ACSS3: variants seen among roughly 807,000 people sequenced by gnomAD.
The protein encoded by ACSS3 is acyl-CoA synthetase short chain family member 3, also known as acyl-CoA synthetase short-chain family member 3, mitochondrial.
ACSS3 carries 64 observed loss-of-function variants against 84.2 expected under a neutral mutation model. The ratio of observed to expected loss-of-function variants is 0.76; its 90% CI spans 0.62 to 0.94. ACSS3 has a LOEUF of 0.94. Among genes scored for constraint, ACSS3 ranks in the 40% least tolerant of loss-of-function variants. ACSS3 has a pLI of 0.00. For synonymous variants in ACSS3, 317 were observed against 310.1 expected, an observed-to-expected ratio of 1.02 and a Z score of -0.23; for missense variants, 815 against 867.6, an observed-to-expected ratio of 0.94 and a Z score of 0.76.
chr12:81,225,536 A>G (rs558658388), intron 11 of ACSS3, among the ~76,000 whole-genome samples: 4 of 151,970 alleles, frequency 2.6e-5, no homozygotes, highest in African/African-American at 9.6e-5. Context: ...GGGGATAAAA[A>G]CTTCTCTTCC....
At chr12:81,101,064 C>T (rs1882472494) in intron 1 of ACSS3, among the ~76,000 whole-genome samples, 1 of 152,140 alleles carries the variant, frequency 6.6e-6, no homozygotes. Context: ...GACTTTTTAG[C>T]TGCTTGAGGT....
At chr12:81,186,353 A>G (rs1352228939) in intron 8 of ACSS3, among the ~76,000 whole-genome samples, 1 of 151,852 alleles carries the variant, frequency 6.6e-6, no homozygotes, top group Non-Finnish European at 1.5e-5. Context: ...GCAAAAATGA[A>G]TAAATGGAAT....
intron 1 of ACSS3, among the ~76,000 whole-genome samples, chr12:81,091,240 C>A (rs1446792088): frequency 6.6e-6 from 1 of 151,898 alleles, no homozygotes; most frequent in Non-Finnish European, 1.5e-5. Context: ...ATTATGTTAT[C>A]AGATTGTCAT....
intron 7 of ACSS3, among the ~76,000 whole-genome samples, chr12:81,172,191 G>A (rs1450732387): frequency 2.1e-5 from 3 of 143,072 alleles, no homozygotes; most frequent in South Asian, 4.5e-4. Flanking sequence ...CCTTGAATCC[G>A]GGAGGCAGAG....
chr12:81,197,243 A>G (rs2031880249), intron 8 of ACSS3, among the ~76,000 whole-genome samples: 1 of 152,170 alleles, frequency 6.6e-6, no homozygotes, highest in Non-Finnish European at 1.5e-5. Flanking sequence ...TGATTCATTT[A>G]TACTCAGAAA....
chr12:81,254,122 TTCTCACC>T (rs1328070758), intron 15 of ACSS3, among the ~76,000 whole-genome samples: 3 of 152,118 alleles, frequency 2.0e-5, no homozygotes, highest in Non-Finnish European at 2.9e-5. Context: ...AGAGGTAGTG[TTCTCACC>T]ATGTTGCCCA....
intron 8 of ACSS3, among the ~76,000 whole-genome samples, chr12:81,176,723 G>A (rs1792814206): frequency 6.6e-6 from 1 of 152,018 alleles, no homozygotes; most frequent in South Asian, 2.1e-4. Context: ...TGAATTCACA[G>A]ATGAATTCTA....
intron 8 of ACSS3, among the ~76,000 whole-genome samples, chr12:81,184,018 C>T (rs186597968): frequency 6.6e-6 from 1 of 151,840 alleles, no homozygotes; most frequent in Non-Finnish European, 1.5e-5. Context: ...AGAACATTCT[C>T]CAGGATAGAT....
intron 5 of ACSS3, among the ~76,000 whole-genome samples, chr12:81,148,250 A>G (rs1242578324): frequency 1.3e-5 from 2 of 152,050 alleles, no homozygotes; most frequent in Non-Finnish European, 2.9e-5. Context: ...TACAACACCT[A>G]TTGTTACAAT....
chr12:81,203,742 G>T (rs2032214653), intron 9 of ACSS3, among the ~76,000 whole-genome samples: 2 of 152,144 alleles, frequency 1.3e-5, no homozygotes, highest in Non-Finnish European at 2.9e-5. Flanking sequence ...GTCTTGTCAA[G>T]TTTAGAGAGG....
Position 81,241,599 on chromosome 12 carries a change from C to T in ACSS3, c.1719+8128C>T, listed in dbSNP as rs1397735503. On this transcript the variant is annotated intron_variant, in intron 13 of 15. Transcript: ENST00000548058. Reference sequence around the variant, plus strand: ...CTCTGATGGCCAGTGATGGTGAGCACTTTTTCATGTGTTTTTTGGCTGCAT... The same window carrying T: ...CTCTGATGGCCAGTGATGGTGAGCATTTTTTCATGTGTTTTTTGGCTGCAT... 6.6e-5 allele frequency among the ~76,000 whole-genome samples: 10 copies of T among 152,164 alleles called. No individual in the cohort carries two copies. The South Asian group carries it at 1.7e-3, about 25-fold the overall frequency.
intron 7 of ACSS3, among the ~76,000 whole-genome samples, chr12:81,168,506 A>G (rs1887506821): frequency 6.6e-6 from 1 of 152,186 alleles, no homozygotes; most frequent in Non-Finnish European, 1.5e-5. Context: ...AATCTTCTCA[A>G]GTAGTGATAC....
At chr12:81,216,127 A>C (rs1359158308) in intron 9 of ACSS3, among the ~76,000 whole-genome samples, 2 of 151,162 alleles carry the variant, frequency 1.3e-5, no homozygotes, top group Non-Finnish European at 2.9e-5. Context: ...TATATATTAT[A>C]TATTTTTTTA....
intron 8 of ACSS3, among the ~76,000 whole-genome samples, chr12:81,181,747 CAAAAA>C (rs59878486): frequency 1.8e-3 from 87 of 47,914 alleles, no homozygotes; most frequent in Middle Eastern, 0.043. Flanking sequence ...ATCAATTAAG[CAAAAA>C]AAAAAAAAAA....
chr12:81,165,568 C>T (rs1887362982), intron 7 of ACSS3, among the ~76,000 whole-genome samples: 1 of 152,010 alleles, frequency 6.6e-6, no homozygotes, highest in African/African-American at 2.4e-5. Context: ...ACGGTGTGAA[C>T]CTGGGAGGTG....
rs1053163603 is a variant in ACSS3 at position 81,257,354 on chromosome 12, G to A, written c.*2432G>A. 3.3e-5 allele frequency: 5 copies of A among 151,854 alleles called. No homozygotes were observed. The highest frequency in any genetic ancestry group is 3.3e-4 in the Admixed American group (5 of 15,238). 9.4% of individuals were successfully genotyped at this position (151,854 alleles called of 1,614,324 possible). A position where few individuals can be genotyped will look rare whatever the true frequency, so the allele number is the denominator to read the frequency against. Reference sequence around the variant, plus strand: ...TCATCAGACTGCTTAAAATTTGGGAGGAAAAAATTCTATTTTACTACTAAC... The same window carrying A: ...TCATCAGACTGCTTAAAATTTGGGAAGAAAAAATTCTATTTTACTACTAAC... On this transcript the variant is annotated 3_prime_UTR_variant, in exon 16 of 16. Coordinates refer to ENST00000548058, the MANE Select transcript of ACSS3 (RefSeq NM_024560.4).
At position 81,255,240 on chromosome 12, in the gene ACSS3, C is replaced by T. The variant is rs933522898; in HGVS notation, c.*318C>T. On this transcript the variant is annotated 3_prime_UTR_variant, in exon 16 of 16. Coordinates refer to ENST00000548058, the MANE Select transcript of ACSS3 (RefSeq NM_024560.4). ...AGAAGAACACTTTAATTGAAAGCAACACTAATATAGAGCCACTTCCTGAAA... is the reference window on the plus strand; with the variant it reads ...AGAAGAACACTTTAATTGAAAGCAATACTAATATAGAGCCACTTCCTGAAA... 5.5e-6 allele frequency: 1 copy of T among 182,814 alleles called. No homozygotes were observed. Among genetic ancestry groups the T allele is most frequent in the African/African-American group, 2.3e-5 (1 of 42,592 alleles). 11.3% of individuals were successfully genotyped at this position (182,814 alleles called of 1,614,324 possible).
chr12:81,245,114 C>T (rs1411176584), intron 13 of ACSS3, among the ~76,000 whole-genome samples: 1 of 152,076 alleles, frequency 6.6e-6, no homozygotes, highest in African/African-American at 2.4e-5. Context: ...GTTTCATGAA[C>T]ATGTATCCTT....
chr12:81,144,018 T>C (rs527425135), intron 5 of ACSS3, among the ~76,000 whole-genome samples: 11 of 152,306 alleles, frequency 7.2e-5, no homozygotes, highest in Non-Finnish European at 1.5e-4. Context: ...AGAATTTTAG[T>C]AGGGGACGGG....
Sources: allele counts gnomAD v4.1 joint callset (sites outside exome capture counted in the v4.1 genomes callset), GRCh38; gene constraint gnomAD v4.1.1; transcripts MANE v1.5; gene names NCBI Gene and HGNC (gene_info 2026-07-23, HGNC 2026-07-21).